TMA16: variants seen among roughly 807,000 people sequenced by gnomAD.
TMA16 encodes the protein translation machinery-associated protein 16.
A neutral mutation model predicts 27.1 loss-of-function variants in TMA16; 26 were observed. The ratio of observed to expected loss-of-function variants is 0.96; its 90% CI spans 0.70 to 1.33. The LOEUF is 1.33. TMA16 is among the 40% of genes most tolerant of loss of function. The pLI is 0.00. For synonymous variants in TMA16, 71 were observed against 81.9 expected, an observed-to-expected ratio of 0.87 and a Z score of 0.72; for missense variants, 233 against 241.4, an observed-to-expected ratio of 0.97 and a Z score of 0.23.
At position 163,504,358 on chromosome 4, in the gene TMA16, A is replaced by C. The variant is rs146677238; in HGVS notation, c.4-2675A>C. Among the ~76,000 whole-genome samples, 21 of 152,324 alleles carry C rather than the reference A, an allele frequency of 1.4e-4. No homozygotes were observed. In the East Asian group the frequency reaches 4.0e-3, roughly 29 times the overall value. ...AATTTGATGGCTTAAACCAATATTT[A>C]TGATCTCTCCCTTTCTTTGGGTCAG... On this transcript the variant is annotated intron_variant, in intron 1 of 6. Coordinates refer to ENST00000358572, the MANE Select transcript of TMA16 (RefSeq NM_018352.3).
intron 2 of TMA16, among the ~76,000 whole-genome samples, chr4:163,512,075 T>G (rs763148125): frequency 6.6e-6 from 1 of 152,132 alleles, no homozygotes; most frequent in Non-Finnish European, 1.5e-5. Context: ...TAAAATTTAC[T>G]TCTCTGGAAA....
At chr4:163,518,811 A>C (rs1737922770) in intron 6 of TMA16, among the ~76,000 whole-genome samples, 1 of 152,180 alleles carries the variant, frequency 6.6e-6, no homozygotes, top group Non-Finnish European at 1.5e-5. Context: ...GTAATCTTAA[A>C]TATATAAATA....
At chr4:163,500,357 T>C (rs978392994) in intron 1 of TMA16, among the ~76,000 whole-genome samples, 3 of 151,912 alleles carry the variant, frequency 2.0e-5, no homozygotes, top group African/African-American at 7.3e-5. Flanking sequence ...ATTATAAGCG[T>C]GCACCACCAC....
rs1182802378 is a variant in TMA16 at position 163,494,722 on chromosome 4, T to G, written c.-80T>G. 31 of 1,605,722 alleles carry G rather than the reference T, an allele frequency of 1.9e-5. No homozygotes were observed. Among genetic ancestry groups the G allele is most frequent in the Non-Finnish European group, 2.6e-5 (31 of 1,173,976 alleles). On this transcript the variant is annotated 5_prime_UTR_variant, in exon 1 of 7. Coordinates refer to ENST00000358572, the MANE Select transcript of TMA16 (RefSeq NM_018352.3). ...ACGTGGGATTCGGCCCGGGTGCTCT[T>G]GTGAGCTGCTGCTCCTGCGGTTGGT...
intron 1 of TMA16, among the ~76,000 whole-genome samples, chr4:163,502,500 T>C (rs1237242002): frequency 1.3e-5 from 2 of 152,120 alleles, no homozygotes; most frequent in Admixed American, 1.3e-4. Context: ...AAATGTACAA[T>C]TAATGCTGAG....
intron 1 of TMA16, among the ~76,000 whole-genome samples, chr4:163,503,403 A>C (rs1231655285): frequency 1.3e-5 from 2 of 152,092 alleles, no homozygotes; most frequent in Non-Finnish European, 2.9e-5. Context: ...CTCTTGTTTC[A>C]CTGAGTAGTC....
intron 2 of TMA16, among the ~76,000 whole-genome samples, chr4:163,511,278 G>A (rs115513616): frequency 1.5e-3 from 230 of 151,814 alleles, no homozygotes; most frequent in African/African-American, 5.2e-3. Flanking sequence ...GTGTATAGTG[G>A]TATTTCAGTG....
At chr4:163,506,814 G>A (rs1737723564) in intron 1 of TMA16, among the ~76,000 whole-genome samples, 1 of 152,124 alleles carries the variant, frequency 6.6e-6, no homozygotes, top group Admixed American at 6.6e-5. Flanking sequence ...TGTCATTGGA[G>A]AGCACCTCTG....
At position 163,506,938 on chromosome 4, in the gene TMA16, T is replaced by C. The variant is rs1024300660; in HGVS notation, c.4-95T>C. On this transcript the variant is annotated intron_variant, in intron 1 of 6. Transcript: ENST00000358572. ...TTTAGCTTACTGTATTTCTGTCATA[T>C]TACTGTTTTTAAAATTTATTTGTAA... 3 of 960,240 alleles carry C rather than the reference T, an allele frequency of 3.1e-6. No homozygotes were observed. In the African/African-American group the frequency reaches 5.0e-5, roughly 16 times the overall value. The allele number at this position is 960,240 out of a possible 1,614,324, so 59.5% of individuals were successfully genotyped here.
chr4:163,516,391 C>G (rs1737877708), intron 5 of TMA16, among the ~76,000 whole-genome samples: 1 of 152,218 alleles, frequency 6.6e-6, no homozygotes, highest in Admixed American at 6.5e-5. Flanking sequence ...ATTTCTGATT[C>G]ATTAAGATTC....
chr4:163,507,005 A>G, intron 1 of TMA16, 28 bp from the exon 2 acceptor site: 1 of 1,542,434 alleles, frequency 6.5e-7, no homozygotes, highest in Non-Finnish European at 8.8e-7. Flanking sequence ...ATCTGACTAT[A>G]TGTGTCATGT....
chr4:163,494,698 C>G lies in TMA16; in HGVS notation c.-104C>G, dbSNP rs769064686. 113 of 1,526,464 alleles carry G rather than the reference C, an allele frequency of 7.4e-5. No individual in the cohort carries two copies. Among genetic ancestry groups the G allele is most frequent in the South Asian group, 1.9e-4 (17 of 89,158 alleles). The allele number at this position is 1,526,464 out of a possible 1,614,324, so 94.6% of individuals were successfully genotyped here. A position where few individuals can be genotyped will look rare whatever the true frequency, so the allele number is the denominator to read the frequency against. ...GTCGGCGCGGGCTTCTCAGGCGCCA[C>G]GTGGGATTCGGCCCGGGTGCTCTTG... On this transcript the variant is annotated 5_prime_UTR_variant, in exon 1 of 7. Transcript: ENST00000358572.
rs2110818806 is a variant in TMA16, at chr4:163,520,064, T to G, written c.*550T>G. Reference sequence around the variant, plus strand: ...TATCTTTTGAACCAGAGCTAAATGGTAAAAGAAAAAAAATCAGTGATGATT... The same window carrying G: ...TATCTTTTGAACCAGAGCTAAATGGGAAAAGAAAAAAAATCAGTGATGATT... On this transcript the variant is annotated 3_prime_UTR_variant, in exon 7 of 7. Transcript: ENST00000358572. 1.7e-6 allele frequency: 1 copy of G among 576,362 alleles called. No homozygotes were observed. Among genetic ancestry groups the G allele is most frequent in the East Asian group, 3.1e-5 (1 of 31,758 alleles). The allele number at this position is 576,362 out of a possible 1,614,324, so 35.7% of individuals were successfully genotyped here.
chr4:163,494,822 C>G lies in TMA16; in HGVS notation c.3+18C>G, dbSNP rs756527864. 1.2e-6 allele frequency: 2 copies of G among 1,611,286 alleles called. No homozygotes were observed. The highest frequency in any genetic ancestry group is 1.7e-6 in the Non-Finnish European group (2 of 1,180,014). The stretch of plus-strand genomic sequence containing the variant: ...TCACCATGGTGGGCCCCCTCCTGCT[C>G]CCCCGAACCGCTCGGTTGGTTCCCC... On this transcript the variant is annotated intron_variant, in intron 1 of 6. Coordinates refer to ENST00000358572, the MANE Select transcript of TMA16 (RefSeq NM_018352.3).
At chr4:163,511,829 GATA>G (rs1488079130) in intron 2 of TMA16, among the ~76,000 whole-genome samples, 3 of 151,952 alleles carry the variant, frequency 2.0e-5, no homozygotes, top group South Asian at 4.2e-4. Flanking sequence ...TGTCTCTAAT[GATA>G]ATAATGATAA....
chr4:163,519,839 G>T lies in TMA16; in HGVS notation c.*325G>T, dbSNP rs1270514062. The T allele has an allele frequency of 7.9e-6, 4 of 507,944 alleles. No homozygotes were observed. Among genetic ancestry groups the T allele is most frequent in the African/African-American group, 6.1e-5 (3 of 49,074 alleles). 31.5% of individuals were successfully genotyped at this position (507,944 alleles called of 1,614,324 possible). A position where few individuals can be genotyped will look rare whatever the true frequency, so the allele number is the denominator to read the frequency against. On this transcript the variant is annotated 3_prime_UTR_variant, in exon 7 of 7. Coordinates refer to ENST00000358572, the MANE Select transcript of TMA16 (RefSeq NM_018352.3). ...TGTATTTATGATCACCTAATTTCAC[G>T]TTTTGTGAAATGGACAGTAACCTGT...
chr4:163,498,806 C>A (rs1737603441), intron 1 of TMA16, among the ~76,000 whole-genome samples: 2 of 152,176 alleles, frequency 1.3e-5, no homozygotes, highest in African/African-American at 4.8e-5. Flanking sequence ...CGGAGGTACA[C>A]AGCCTCTCCT....
chr4:163,504,171 CTT>C (rs1737687318), intron 1 of TMA16, among the ~76,000 whole-genome samples: 1 of 152,070 alleles, frequency 6.6e-6, no homozygotes. Context: ...GCTTCAGAGA[CTT>C]TATATTTTCT....
Position 163,494,757 on chromosome 4 carries a change from T to G in TMA16, c.-45T>G. ...TGCTCCTGCGGTTGGTGAGATTACC[T>G]GGGTCTAGAGTGCGGAGCTGCTCCG... On this transcript the variant is annotated 5_prime_UTR_variant, in exon 1 of 7. Coordinates refer to ENST00000358572, the MANE Select transcript of TMA16 (RefSeq NM_018352.3). 6.2e-7 allele frequency: 1 copy of G among 1,613,116 alleles called. No individual in the cohort carries two copies. The highest frequency in any genetic ancestry group is 8.5e-7 in the Non-Finnish European group (1 of 1,179,984).
Sources: gnomAD v4.1 joint callset for allele counts (sites outside exome capture counted in the v4.1 genomes callset) on GRCh38, gnomAD v4.1.1 for gene constraint, MANE v1.5 for transcripts, NCBI Gene and HGNC (gene_info 2026-07-23, HGNC 2026-07-21) for gene names.